Variants in CDH11 observed in about 807,000 individuals in gnomAD.
The protein encoded by CDH11 is cadherin 11.
A neutral mutation model predicts 67.8 loss-of-function variants in CDH11; 11 were observed. The observed-to-expected ratio is 0.16, with a 90% CI of 0.10 to 0.27. The LOEUF (loss-of-function observed/expected upper bound fraction) is 0.27. Ranked by LOEUF, CDH11 falls within the 10% of genes least tolerant of loss-of-function variation. The pLI, the probability that CDH11 is intolerant of heterozygous loss-of-function variation, is 1.00. For synonymous variants in CDH11, 419 were observed against 400.0 expected (o/e 1.05, Z -0.57); for missense variants, 847 against 1,031.2 (o/e 0.82, Z 2.45).
At chr16:65,016,455 A>T (rs1351227929) in intron 2 of CDH11, among the ~76,000 whole-genome samples, 1 of 152,182 alleles carries the variant, frequency 6.6e-6, no homozygotes, top group Non-Finnish European at 1.5e-5. Context: ...TTCAAAGGCA[A>T]TATTAAGTGT....
Position 64,982,057 on chromosome 16 carries a change from C to A in CDH11, c.1244G>T (p.Ser415Ile). Residue 415 changes from serine to isoleucine, a missense_variant, in exon 8 of 13, where the codon AGC (serine) becomes ATC (isoleucine). Ser to Ile is a moderately radical substitution (Grantham distance 142). Around this residue, in one of 2 missense-constraint regions of CDH11, gnomAD observed 612 missense variants for 678.7 expected, o/e 0.90. Transcript: ENST00000268603. ...ATAAATCCGTCTGTACCTTATCGGG[C>A]TGTTGGCAGCATCAGGGTCTTTGGC... ...VHAKDPDAAN[S>I]PIRYSIDRHT... 6.2e-7 allele frequency: 1 copy of A among 1,612,188 alleles called. No individual in the cohort carries two copies. Among genetic ancestry groups the A allele is most frequent in the Non-Finnish European group, 8.5e-7 (1 of 1,178,934 alleles).
Position 64,973,010 on chromosome 16 carries a change from G to A in CDH11, c.1284C>T (p.Asp428=). The change falls in exon 9 of 13, where the codon GAC becomes GAT. Residue 428 remains aspartate (D), a synonymous_variant. Transcript: ENST00000268603. The part of the protein sequence containing the change: ...RYSIDRHTDL[D]RFFTINPEDG... ...CCTCTGGATTAATAGTGAAAAATCT[G>A]TCGAGGTCAGTGTGACGATCGATGG... The A allele has an allele frequency of 6.2e-7, 1 of 1,613,646 alleles. No homozygotes were observed. The highest frequency in any genetic ancestry group is 8.5e-7 in the Non-Finnish European group (1 of 1,179,754).
At chr16:64,957,246 C>T (rs1489848747) in intron 11 of CDH11, among the ~76,000 whole-genome samples, 1 of 152,090 alleles carries the variant, frequency 6.6e-6, no homozygotes, top group Non-Finnish European at 1.5e-5. Context: ...ACAGCTTGAC[C>T]TGATCAGAGA....
At chr16:65,008,768 G>A (rs2073116108) in intron 2 of CDH11, among the ~76,000 whole-genome samples, 1 of 152,082 alleles carries the variant, frequency 6.6e-6, no homozygotes, top group African/African-American at 2.4e-5. Context: ...GAAATTATAC[G>A]GACGTTGTGA....
intron 2 of CDH11, among the ~76,000 whole-genome samples, chr16:65,047,395 G>A (rs2073981270): frequency 6.6e-6 from 1 of 151,478 alleles, no homozygotes; most frequent in South Asian, 2.1e-4. Context: ...TCTGTCACCA[G>A]GTTGGAGTGC....
intron 12 of CDH11, 44 bp downstream of exon 12, chr16:64,950,723 C>G: frequency 6.3e-7 from 1 of 1,597,632 alleles, no homozygotes; most frequent in South Asian, 1.1e-5. Flanking sequence ...GAGGGGCATC[C>G]GGTTGCCTGG....
At chr16:65,079,211 G>A (rs2074567805) in intron 1 of CDH11, among the ~76,000 whole-genome samples, 1 of 152,116 alleles carries the variant, frequency 6.6e-6, no homozygotes, top group Admixed American at 6.6e-5. Context: ...GTAGACAGAT[G>A]GGACGGAACA....
intron 3 of CDH11, among the ~76,000 whole-genome samples, chr16:64,999,542 C>CT (rs932532536): frequency 1.9e-4 from 29 of 150,694 alleles, no homozygotes; most frequent in Admixed American, 4.0e-4. Context: ...TTGGGTTTTT[C>CT]TTTTTTTTTG....
At chr16:65,049,279 A>T (rs532242767) in intron 2 of CDH11, among the ~76,000 whole-genome samples, 2 of 152,300 alleles carry the variant, frequency 1.3e-5, no homozygotes, top group Non-Finnish European at 2.9e-5. Flanking sequence ...ACTCCCTCCC[A>T]TCCCAGCTTG....
rs57695452 is a variant in CDH11, at chr16:65,045,329, G to GTATATATATATATA, written c.-173+8461_-173+8474dup. 3.9e-3 allele frequency among the ~76,000 whole-genome samples: 246 copies of GTATATATATATATA among 63,198 alleles called. 24 individuals carry two copies. The highest frequency in any genetic ancestry group is 4.5e-3 in the Non-Finnish European group (135 of 30,334). The allele number at this position is 63,198 out of a possible 152,430, so 41.5% of individuals were successfully genotyped here. On this transcript the variant is annotated intron_variant, in intron 2 of 12. Coordinates refer to ENST00000268603, the MANE Select transcript of CDH11 (RefSeq NM_001797.4). ...TTTTAAAAATTTGTTTCCCTCAAAA[G>GTATATATATATATA]TATATATATATATATATATATATAT...
At chr16:64,971,509 G>T in intron 11 of CDH11, 70 bp downstream of exon 11, 1 of 835,708 alleles carries the variant, frequency 1.2e-6, no homozygotes. Flanking sequence ...AAATACTTGT[G>T]CTATGCAATG....
chr16:65,103,379 AT>A (rs1480332240), intron 1 of CDH11, among the ~76,000 whole-genome samples: 41 of 152,142 alleles, frequency 2.7e-4, no homozygotes, highest in African/African-American at 9.7e-4. Flanking sequence ...TAATGGTATT[AT>A]TTTTTCATCA....
intron 1 of CDH11, among the ~76,000 whole-genome samples, chr16:65,113,445 A>C (rs533881421): frequency 2.0e-4 from 31 of 152,268 alleles, no homozygotes; most frequent in African/African-American, 6.0e-4. Flanking sequence ...CTCTAAATGA[A>C]GGTTGACTGG....
chr16:64,966,475 A>G (rs1017807144), intron 11 of CDH11, among the ~76,000 whole-genome samples: 1 of 151,972 alleles, frequency 6.6e-6, no homozygotes, highest in African/African-American at 2.4e-5. Context: ...TTCAACATAT[A>G]TATGTATAAA....
Position 64,946,353 on chromosome 16 carries a change from G to A in CDH11, c.*1250C>T. On this transcript the variant is annotated 3_prime_UTR_variant, in exon 13 of 13. Coordinates refer to ENST00000268603, the MANE Select transcript of CDH11 (RefSeq NM_001797.4). ...GACTCTAGTCCCCCAGTTCCCCAGT[G>A]CTCAGTGTGGGGCATAGAATGTATA... 9.7e-7 allele frequency: 1 copy of A among 1,030,676 alleles called. No individual in the cohort carries two copies. The highest frequency in any genetic ancestry group is 1.2e-6 in the Non-Finnish European group (1 of 857,648). The allele number at this position is 1,030,676 out of a possible 1,614,324, so 63.8% of individuals were successfully genotyped here.
intron 1 of CDH11, among the ~76,000 whole-genome samples, chr16:65,094,158 T>G (rs2074843100): frequency 6.6e-6 from 1 of 152,120 alleles, no homozygotes; most frequent in Admixed American, 6.5e-5. Context: ...GAAAGTGGGA[T>G]GAAGGGAAAG....
chr16:64,998,017 T>C (rs8044669), intron 4 of CDH11, among the ~76,000 whole-genome samples: 2 of 152,212 alleles, frequency 1.3e-5, no homozygotes, highest in Non-Finnish European at 2.9e-5. Flanking sequence ...ATTCTTTGAA[T>C]AAATCCTTTA....
Position 65,029,712 on chromosome 16 carries a change from C to T in CDH11, c.-173+24092G>A, listed in dbSNP as rs115447574. 3.4e-3 allele frequency among the ~76,000 whole-genome samples: 514 copies of T among 152,286 alleles called. 2 individuals are homozygous for T. Among genetic ancestry groups the T allele is most frequent in the African/African-American group, 0.012 (499 of 41,558 alleles). ...TTGTTTATACTGGATGAATGAATAG[C>T]GTTAGAGTAAATCGCTTGTCCTTAT... On this transcript the variant is annotated intron_variant, in intron 2 of 12. Transcript: ENST00000268603.
intron 12 of CDH11, chr16:64,948,598 G>A (rs760369527): frequency 8.1e-6 from 13 of 1,604,502 alleles, no homozygotes; most frequent in South Asian, 4.4e-5. Context: ...TAACTTAATG[G>A]GAAGTCTTAC....
Sources: allele counts gnomAD v4.1 joint callset (sites outside exome capture counted in the v4.1 genomes callset), GRCh38; gene constraint gnomAD v4.1.1; regional missense constraint gnomAD v4.1.1; transcripts MANE v1.5; gene names NCBI Gene and HGNC (gene_info 2026-07-23, HGNC 2026-07-21).